TMEM132B: variants seen among roughly 807,000 people sequenced by gnomAD.
The protein encoded by TMEM132B is transmembrane protein 132B.
In TMEM132B, 18 loss-of-function variants were observed where a neutral mutation model predicts 90.8. The observed-to-expected ratio is 0.20, with a 90% CI of 0.14 to 0.29. The LOEUF is 0.29. Ranked by LOEUF, TMEM132B falls within the 10% of genes least tolerant of loss-of-function variation. TMEM132B has a pLI of 1.00. For synonymous variants in TMEM132B, 504 were observed against 523.3 expected (o/e 0.96, Z 0.50); for missense variants, 1,096 against 1,326.8 (o/e 0.83, Z 2.70).
chr12:125,315,290 C>T (rs951042186), intron 1 of TMEM132B, among the ~76,000 whole-genome samples: 2 of 152,224 alleles, frequency 1.3e-5, no homozygotes, highest in Admixed American at 6.5e-5. Context: ...CCTCCGTCTC[C>T]CAGGCTCAAG....
chr12:125,371,513 G>A (rs1593109660), intron 2 of TMEM132B, among the ~76,000 whole-genome samples: 1 of 152,100 alleles, frequency 6.6e-6, no homozygotes, highest in South Asian at 2.1e-4. Flanking sequence ...TGCTTTCCAG[G>A]GGCTTGAAAA....
At chr12:125,271,011 TGCAAGCCTA>T (rs1874825343) in intron 1 of TMEM132B, among the ~76,000 whole-genome samples, 1 of 149,812 alleles carries the variant, frequency 6.7e-6, no homozygotes, top group African/African-American at 2.5e-5. Flanking sequence ...AGTGCAGGGG[TGCAAGCCTA>T]GCTTACTGCA....
chr12:125,554,568 T>A (rs1258276252), intron 4 of TMEM132B, among the ~76,000 whole-genome samples: 5 of 150,992 alleles, frequency 3.3e-5, no homozygotes, highest in Admixed American at 2.0e-4. Flanking sequence ...TAATGTTCAA[T>A]CAGCCTCCAA....
intron 4 of TMEM132B, among the ~76,000 whole-genome samples, chr12:125,523,896 C>G (rs2136672715): frequency 6.6e-6 from 1 of 152,306 alleles, no homozygotes. Context: ...TCCAGAGGAC[C>G]CCAGAGCAGA....
rs1292084339 is a variant in TMEM132B at position 125,407,514 on chromosome 12, C to T, written c.960-8017C>T. ...AGATGGAGAAGGTGTGACCCCGTGC[C>T]CTGTCTGTCTGTCCCTGCTGGGTAG... On this transcript the variant is annotated intron_variant, in intron 2 of 8. Coordinates refer to ENST00000682704, the MANE Select transcript of TMEM132B (RefSeq NM_001366854.1). This position sits in a 1 kb window ranked among gnomAD's most constrained non-coding sequence, Gnocchi z 6.7. Among the ~76,000 whole-genome samples the T allele has an allele frequency of 6.6e-6, 1 of 152,194 alleles. No homozygotes were observed. The highest frequency in any genetic ancestry group is 1.5e-5 in the Non-Finnish European group (1 of 68,036).
intron 2 of TMEM132B, among the ~76,000 whole-genome samples, chr12:125,405,950 G>C (rs1277965046): frequency 6.6e-6 from 1 of 152,194 alleles, no homozygotes; most frequent in East Asian, 1.9e-4. Flanking sequence ...GGACAGGACA[G>C]TTTATTATCA....
At chr12:125,194,270 GT>G (rs66619558) in intron 1 of TMEM132B, among the ~76,000 whole-genome samples, 3,461 of 149,298 alleles carry the variant, frequency 0.023, 54 homozygotes, top group Middle Eastern at 0.038. Context: ...TAACCCGTTG[GT>G]GGGGGGGTCT....
intron 2 of TMEM132B, among the ~76,000 whole-genome samples, chr12:125,387,579 T>C (rs977756812): frequency 2.0e-5 from 3 of 152,220 alleles, no homozygotes; most frequent in Admixed American, 1.3e-4. Context: ...ATACCTTTTA[T>C]GGGAACAGCA....
intron 3 of TMEM132B, among the ~76,000 whole-genome samples, chr12:125,456,793 A>G (rs1167940192): frequency 6.6e-6 from 1 of 152,216 alleles, no homozygotes; most frequent in Non-Finnish European, 1.5e-5. Flanking sequence ...CAGGGGCTTC[A>G]GAAAGACCTG....
At chr12:125,485,241 CCTT>C (rs1342973029) in intron 3 of TMEM132B, among the ~76,000 whole-genome samples, 1 of 152,088 alleles carries the variant, frequency 6.6e-6, no homozygotes, top group African/African-American at 2.4e-5. Context: ...CTATAAATGG[CCTT>C]CTATTTTAAC....
At chr12:125,382,277 A>T (rs1326887940) in intron 2 of TMEM132B, among the ~76,000 whole-genome samples, 1 of 152,194 alleles carries the variant, frequency 6.6e-6, no homozygotes, top group Admixed American at 6.5e-5. Context: ...TTCGAAGGTA[A>T]GTGTGATTTC....
chr12:125,464,960 A>G (rs567440404), intron 3 of TMEM132B, among the ~76,000 whole-genome samples: 2 of 152,264 alleles, frequency 1.3e-5, no homozygotes, highest in Admixed American at 1.3e-4. Context: ...GTACACTTTT[A>G]TTGGCAATAC....
At chr12:125,610,892 C>T (rs1414722873) in intron 5 of TMEM132B, among the ~76,000 whole-genome samples, 1 of 151,940 alleles carries the variant, frequency 6.6e-6, no homozygotes, top group Admixed American at 6.6e-5. Flanking sequence ...ATAAAATTGG[C>T]CTTATAGAAT....
rs1198295660 is a variant in TMEM132B at position 125,652,636 on chromosome 12, A to G, written c.2106+4A>G. 6.2e-7 allele frequency: 1 copy of G among 1,608,552 alleles called. No individual in the cohort carries two copies. The highest frequency in any genetic ancestry group is 8.5e-7 in the Non-Finnish European group (1 of 1,177,172). ...TGTTCTTCAGTCCCCACAGCAGGTG[A>G]GCGTTCCAGGGGCCCTGCGTCCTTG... On this transcript the variant is annotated splice_donor_region_variant and intron_variant, in intron 8 of 8. Transcript: ENST00000682704.
In TMEM132B at chr12:125,432,521, A is replaced by ATGTG. The variant is rs1401549457; in HGVS notation, c.1106+16845_1106+16846insGTGT. Among the ~76,000 whole-genome samples, 49 of 77,370 alleles carry ATGTG rather than the reference A, an allele frequency of 6.3e-4. 2 individuals carry two copies. Among genetic ancestry groups the ATGTG allele is most frequent in the East Asian group, 4.2e-3 (11 of 2,644 alleles). The allele number at this position is 77,370 out of a possible 152,430, so 50.8% of individuals were successfully genotyped here. A position where few individuals can be genotyped will look rare whatever the true frequency, so the allele number is the denominator to read the frequency against. On this transcript the variant is annotated intron_variant, in intron 3 of 8. Coordinates refer to ENST00000682704, the MANE Select transcript of TMEM132B (RefSeq NM_001366854.1). The stretch of plus-strand genomic sequence containing the variant: ...TATATATGTGTGTGTGTATATATAT[A>ATGTG]TATATATAGAGAGAGAGAGAGAGAG...
At chr12:125,396,622 C>G (rs969815170) in intron 2 of TMEM132B, among the ~76,000 whole-genome samples, 2 of 151,970 alleles carry the variant, frequency 1.3e-5, no homozygotes, top group African/African-American at 4.8e-5. Context: ...AGGTGATCCT[C>G]CCACCTCTGA....
At position 125,475,453 on chromosome 12, in the gene TMEM132B, T is replaced by A. The variant is rs926616121; in HGVS notation, c.1107-43986T>A. Among the ~76,000 whole-genome samples the A allele has an allele frequency of 1.2e-3, 179 of 152,086 alleles. 2 individuals carry two copies. Among genetic ancestry groups the A allele is most frequent in the Non-Finnish European group, 1.3e-3 (87 of 68,016 alleles). ...CTGTGAGGGTGTTGCCAAAGGAGAT[T>A]AACATTTGAGTCAGTGGGTTGGCCA... On this transcript the variant is annotated intron_variant, in intron 3 of 8. Transcript: ENST00000682704.
intron 3 of TMEM132B, among the ~76,000 whole-genome samples, chr12:125,437,254 G>T (rs976878722): frequency 6.6e-6 from 1 of 152,166 alleles, no homozygotes; most frequent in Non-Finnish European, 1.5e-5. Context: ...ATTCCGATGC[G>T]CTGACTATGA....
intron 1 of TMEM132B, among the ~76,000 whole-genome samples, chr12:125,297,932 C>G (rs975678481): frequency 1.9e-4 from 29 of 152,222 alleles, no homozygotes; most frequent in African/African-American, 6.0e-4. Context: ...CCATTCCCAA[C>G]AGTAAACAAG....
Sources: allele counts gnomAD v4.1 joint callset (sites outside exome capture counted in the v4.1 genomes callset), GRCh38; gene constraint gnomAD v4.1.1; non-coding constraint Gnocchi (gnomAD v3.1); transcripts MANE v1.5; gene names NCBI Gene and HGNC (gene_info 2026-07-23, HGNC 2026-07-21).